Variants in BMS1 observed in about 807,000 individuals in gnomAD.
BMS1 encodes the protein BMS1 ribosome biogenesis factor.
Under a neutral mutation model 138.7 loss-of-function variants are expected in BMS1, and 53 were observed. That is an observed-to-expected ratio of 0.38 (90% CI 0.31 to 0.48). BMS1 has a LOEUF of 0.48. BMS1 is among the 20% of genes least tolerant of loss of function. The pLI is 0.97. For synonymous variants in BMS1, 504 were observed against 539.9 expected (o/e 0.93, Z 0.92); for missense variants, 1,360 against 1,565.5 (o/e 0.87, Z 2.22).
rs577128877 is a variant in BMS1, at chr10:42,823,398, G to A, written c.3280+133G>A. 6.0e-5 allele frequency: 77 copies of A among 1,284,232 alleles called. 1 individual carries two copies. In the African/African-American group the frequency reaches 1.1e-3, roughly 18 times the overall value. The allele number at this position is 1,284,232 out of a possible 1,614,324, so 79.6% of individuals were successfully genotyped here. On this transcript the variant is annotated intron_variant, in intron 20 of 22. Transcript: ENST00000374518. ...AGCCTTAGATCTCCCAGTCTTATGG[G>A]TGTGCCCATTCGCTTTGTGTCTGCA...
At chr10:42,802,538 A>G (rs2132331950) in intron 13 of BMS1, among the ~76,000 whole-genome samples, 1 of 152,192 alleles carries the variant, frequency 6.6e-6, no homozygotes, top group Admixed American at 6.5e-5. Context: ...TAATAAAGGT[A>G]GTATGCATTG....
intron 20 of BMS1, 88 bp downstream of exon 20, chr10:42,823,353 C>G: frequency 6.8e-7 from 1 of 1,471,910 alleles, no homozygotes; most frequent in Non-Finnish European, 9.0e-7. Context: ...AGTCAGGTCT[C>G]TAGAGAGTTG....
intron 13 of BMS1, among the ~76,000 whole-genome samples, chr10:42,815,507 T>C (rs1278819981): frequency 6.6e-6 from 1 of 152,246 alleles, no homozygotes; most frequent in African/African-American, 2.4e-5. Context: ...TGTGAAAATG[T>C]TTTAATAGCC....
At position 42,787,213 on chromosome 10, in the gene BMS1, A is replaced by G. The variant is rs1292007552; in HGVS notation, c.413A>G (p.Asn138Ser). 1 of 1,425,788 alleles carries G rather than the reference A, an allele frequency of 7.0e-7. No individual in the cohort carries two copies. The highest frequency in any genetic ancestry group is 9.7e-7 in the Non-Finnish European group (1 of 1,025,716). 88.3% of individuals were successfully genotyped at this position (1,425,788 alleles called of 1,614,324 possible). Residue 138 changes from asparagine to serine, a missense_variant, in exon 4 of 23, where the codon AAC becomes AGC. Physicochemically the swap from Asn to Ser is conservative, Grantham distance 46. Around this residue, in one of 3 missense-constraint regions of BMS1, gnomAD observed 238 missense variants for 311.1 expected, o/e 0.77. Coordinates refer to ENST00000374518, the MANE Select transcript of BMS1 (RefSeq NM_014753.4). ...ATTATTGAATGTGGGTGTGACATTA[A>G]CATGATGATTGATCTGGCTAAAGTA... ...LTIIECGCDINMMIDLAKVAD... is the reference protein window; with the variant it reads ...LTIIECGCDISMMIDLAKVAD...
intron 12 of BMS1, among the ~76,000 whole-genome samples, chr10:42,800,794 T>C (rs1314780248): frequency 6.6e-6 from 1 of 152,218 alleles, no homozygotes; most frequent in East Asian, 1.9e-4. Context: ...CCCAAAGTGC[T>C]GGGATTACAG....
intron 12 of BMS1, among the ~76,000 whole-genome samples, chr10:42,801,900 T>C (rs901917166): frequency 1.5e-4 from 23 of 152,232 alleles, no homozygotes; most frequent in East Asian, 1.9e-4. Context: ...TGTTTACTTA[T>C]GAGGTCAGTA....
intron 13 of BMS1, among the ~76,000 whole-genome samples, chr10:42,807,791 A>G (rs1002428296): frequency 6.6e-6 from 1 of 152,192 alleles, no homozygotes; most frequent in Non-Finnish European, 1.5e-5. Flanking sequence ...GTAAATATGC[A>G]CTTCCCATTT....
rs1174414195 is a variant in BMS1, at chr10:42,796,818, G to T, written c.1574G>T (p.Ser525Ile). The change falls in exon 10 of 23, where the codon AGT (serine) becomes ATT (isoleucine). Residue 525 changes from serine (S) to isoleucine (I), a missense_variant. By Grantham distance (142) the Ser-to-Ile change is moderately radical (BLOSUM62 -2). Around this residue, in one of 3 missense-constraint regions of BMS1, gnomAD observed 697 missense variants for 686.2 expected, o/e 1.02. Transcript: ENST00000374518. The stretch of plus-strand genomic sequence containing the variant: ...GAAGCGGAGGAAGCTGATGAAAGCA[G>T]TGAAGAAGAGGACTGCACTGCAGGA... ...EGEAEEADESSEEEDCTAGEK... is the reference protein window; with the variant it reads ...EGEAEEADESIEEEDCTAGEK... 1 of 1,614,112 alleles carries T rather than the reference G, an allele frequency of 6.2e-7. No homozygotes were observed. The highest frequency in any genetic ancestry group is 8.5e-7 in the Non-Finnish European group (1 of 1,180,044).
chr10:42,792,683 A>G lies in BMS1; in HGVS notation c.901+69A>G, dbSNP rs1267182028. 4.5e-6 allele frequency: 7 copies of G among 1,551,792 alleles called. No individual in the cohort carries two copies. The African/African-American group carries it at 9.6e-5, about 21-fold the overall frequency. ...CTTGGGATGGCTTCATTTCTCAGGA[A>G]AACTGAAAAATGACCAAACAAGGGA... On this transcript the variant is annotated intron_variant, in intron 7 of 22. Coordinates refer to ENST00000374518, the MANE Select transcript of BMS1 (RefSeq NM_014753.4).
In BMS1 at chr10:42,784,545, G is replaced by A; in HGVS notation, c.151G>A (p.Val51Met). The A allele has an allele frequency of 6.2e-7, 1 of 1,613,552 alleles. No individual in the cohort carries two copies. The highest frequency in any genetic ancestry group is 8.5e-7 in the Non-Finnish European group (1 of 1,179,702). The change falls in exon 2 of 23, where the codon GTG becomes ATG. Residue 51 changes from valine (V) to methionine (M), a missense_variant. Val to Met is a conservative substitution (Grantham distance 21). This residue lies in a region of BMS1 where 238 missense variants were observed against 311.1 expected (regional missense o/e 0.77). Transcript: ENST00000374518. ...CAAAGCTTTTGCAGTTCAGTCTGCT[G>A]TGCGGATGGCTCGATCCTTTCACAG... ...NPKAFAVQSA[V>M]RMARSFHRTQ...
At chr10:42,819,462 G>T (rs1278504731) in intron 15 of BMS1, among the ~76,000 whole-genome samples, 1 of 152,192 alleles carries the variant, frequency 6.6e-6, no homozygotes, top group Admixed American at 6.5e-5. Context: ...TCCCCTATGG[G>T]CCAGGTCAGA....
chr10:42,784,038 G>A (rs2132286513), intron 1 of BMS1, among the ~76,000 whole-genome samples: 1 of 152,264 alleles, frequency 6.6e-6, no homozygotes, highest in East Asian at 1.9e-4. Context: ...GTAACCACAT[G>A]TGGCTAATGG....
In BMS1 at chr10:42,833,318, A is replaced by G. The variant is rs1716677837; in HGVS notation, c.*2222A>G. 6.6e-6 allele frequency: 1 copy of G among 152,244 alleles called. No individual in the cohort carries two copies. Among genetic ancestry groups the G allele is most frequent in the South Asian group, 2.1e-4 (1 of 4,830 alleles). The allele number at this position is 152,244 out of a possible 1,614,324, so 9.4% of individuals were successfully genotyped here. A position where few individuals can be genotyped will look rare whatever the true frequency, so the allele number is the denominator to read the frequency against. ...ACAATAAATAGCATTTTTCATGTAGAATTTTTATTGGTGAAGGTTCCACCT... is the reference window on the plus strand; with the variant it reads ...ACAATAAATAGCATTTTTCATGTAGGATTTTTATTGGTGAAGGTTCCACCT... On this transcript the variant is annotated 3_prime_UTR_variant, in exon 23 of 23. Transcript: ENST00000374518.
intron 13 of BMS1, among the ~76,000 whole-genome samples, chr10:42,802,795 AAAAT>A (rs1841910010): frequency 6.8e-6 from 1 of 147,842 alleles, no homozygotes; most frequent in African/African-American, 2.4e-5. Flanking sequence ...TATTTTATTT[AAAAT>A]AAATAAAATA....
chr10:42,824,996 G>T (rs1842597463), intron 21 of BMS1, among the ~76,000 whole-genome samples: 1 of 151,894 alleles, frequency 6.6e-6, no homozygotes, highest in Non-Finnish European at 1.5e-5. Context: ...TGAGTTTCAG[G>T]ATTGTTTTTT....
chr10:42,790,160 G>A (rs1841455838), intron 4 of BMS1, among the ~76,000 whole-genome samples, 163 bp from the exon 5 acceptor site: 1 of 152,192 alleles, frequency 6.6e-6, no homozygotes, highest in Admixed American at 6.5e-5. Context: ...TGCACAGGCA[G>A]CCATAGACAA....
At chr10:42,808,291 TTTATTATTA>T (rs869061867) in intron 13 of BMS1, among the ~76,000 whole-genome samples, 1 of 115,210 alleles carries the variant, frequency 8.7e-6, no homozygotes, top group African/African-American at 3.5e-5. Flanking sequence ...TATTTATTTA[TTTATTATTA>T]TTATTATTTG....
At chr10:42,813,715 T>C (rs1363156187) in intron 13 of BMS1, among the ~76,000 whole-genome samples, 1 of 152,148 alleles carries the variant, frequency 6.6e-6, no homozygotes, top group Non-Finnish European at 1.5e-5. Context: ...CTGTAGCCAT[T>C]TTTTTATTTT....
At position 42,831,966 on chromosome 10, in the gene BMS1, G is replaced by C. The variant is rs1842808991; in HGVS notation, c.*870G>C. 6.6e-6 allele frequency: 1 copy of C among 152,040 alleles called. No individual in the cohort carries two copies. Among genetic ancestry groups the C allele is most frequent in the Non-Finnish European group, 1.5e-5 (1 of 68,016 alleles). 9.4% of individuals were successfully genotyped at this position (152,040 alleles called of 1,614,324 possible). The stretch of plus-strand genomic sequence containing the variant: ...TCTATTCCTATACGATGTAATCATA[G>C]ATTCACATATAGTTGTATATTTTGC... On this transcript the variant is annotated 3_prime_UTR_variant, in exon 23 of 23. Coordinates refer to ENST00000374518, the MANE Select transcript of BMS1 (RefSeq NM_014753.4).
Sources: allele counts gnomAD v4.1 joint callset (sites outside exome capture counted in the v4.1 genomes callset), GRCh38; gene constraint gnomAD v4.1.1; regional missense constraint gnomAD v4.1.1; transcripts MANE v1.5; gene names NCBI Gene and HGNC (gene_info 2026-07-23, HGNC 2026-07-21).